Variants in MPP7 observed in about 807,000 individuals in gnomAD.
MPP7 encodes MAGUK p55 subfamily member 7.
Under a neutral mutation model 76.5 loss-of-function variants are expected in MPP7, and 60 were observed. That is an observed-to-expected ratio of 0.78 (90% CI 0.64 to 0.97). MPP7 has a LOEUF of 0.97. Among genes scored for constraint, MPP7 ranks in the 50% least tolerant of loss-of-function variants. The pLI is 0.00. For synonymous variants in MPP7, 237 were observed against 244.5 expected (o/e 0.97, Z 0.29); for missense variants, 641 against 694.0 (o/e 0.92, Z 0.86).
intron 12 of MPP7, 31 bp downstream of exon 12, chr10:28,089,640 C>T (rs1853189789): frequency 3.1e-6 from 5 of 1,591,150 alleles, no homozygotes; most frequent in Non-Finnish European, 4.3e-6. Context: ...CACTCATTTC[C>T]TCAGAATTAC....
chr10:28,299,656 AAC>A (rs1230576912), intron 1 of MPP7, among the ~76,000 whole-genome samples: 5 of 152,212 alleles, frequency 3.3e-5, no homozygotes, highest in African/African-American at 1.2e-4. Context: ...GTTTGTAAAA[AAC>A]ACAGTATCTT....
chr10:28,307,088 A>C (rs193149281), upstream of MPP7, among the ~76,000 whole-genome samples: 2 of 152,196 alleles, frequency 1.3e-5, no homozygotes, highest in Non-Finnish European at 2.9e-5. Flanking sequence ...GAGGTTTCCC[A>C]GAGAAGACAC....
At chr10:28,214,789 G>C (rs935574846) in intron 2 of MPP7, among the ~76,000 whole-genome samples, 1 of 152,154 alleles carries the variant, frequency 6.6e-6, no homozygotes, top group African/African-American at 2.4e-5. Flanking sequence ...TTCCCAGAAA[G>C]ACCCCCTTCT....
At chr10:28,183,181 A>G (rs1837115722) in intron 3 of MPP7, among the ~76,000 whole-genome samples, 1 of 152,238 alleles carries the variant, frequency 6.6e-6, no homozygotes, top group Admixed American at 6.5e-5. Flanking sequence ...AATATCTCAC[A>G]TTGTGAATAC....
intron 13 of MPP7, among the ~76,000 whole-genome samples, chr10:28,069,070 A>C (rs1442403299): frequency 2.0e-5 from 3 of 152,186 alleles, no homozygotes; most frequent in African/African-American, 7.2e-5. Context: ...AGTGCTTGAT[A>C]CCATACGTGC....
At chr10:28,089,003 G>C (rs10763641) in intron 12 of MPP7, among the ~76,000 whole-genome samples, 28,734 of 152,030 alleles carry the variant, frequency 0.19, 3,688 homozygotes, top group East Asian at 0.57. Context: ...AGCCTCCTGA[G>C]TAGCTCGGAC....
At chr10:28,189,463 G>A (rs1416386560) in intron 3 of MPP7, among the ~76,000 whole-genome samples, 1 of 150,716 alleles carries the variant, frequency 6.6e-6, no homozygotes, top group Non-Finnish European at 1.5e-5. Flanking sequence ...CAGCTACTTG[G>A]GAGGTTGAGA....
intron 1 of MPP7, among the ~76,000 whole-genome samples, chr10:28,277,009 A>T (rs1457192239): frequency 6.6e-6 from 1 of 151,850 alleles, no homozygotes; most frequent in Admixed American, 6.6e-5. Flanking sequence ...CTTGGACAAC[A>T]TAGTGAGATG....
At chr10:28,188,931 G>A (rs1837318392) in intron 3 of MPP7, among the ~76,000 whole-genome samples, 1 of 151,954 alleles carries the variant, frequency 6.6e-6, no homozygotes, top group Non-Finnish European at 1.5e-5. Context: ...CAAGGAATTT[G>A]CAACCAGTAG....
chr10:28,256,257 G>A (rs1269739764), intron 1 of MPP7, among the ~76,000 whole-genome samples: 1 of 150,510 alleles, frequency 6.6e-6, no homozygotes, highest in Non-Finnish European at 1.5e-5. Context: ...CTATGCAGAT[G>A]CTGTAGCTAA....
At chr10:28,125,198 A>G in intron 6 of MPP7, 107 bp from the exon 7 acceptor site, 1 of 910,904 alleles carries the variant, frequency 1.1e-6, no homozygotes, top group Non-Finnish European at 1.7e-6. Context: ...CAACTACAAA[A>G]ACGAAAAAAA....
chr10:28,100,138 C>T (rs531362624), intron 11 of MPP7, among the ~76,000 whole-genome samples: 30 of 146,032 alleles, frequency 2.1e-4, no homozygotes, highest in Non-Finnish European at 2.9e-4. Flanking sequence ...AAAAAAAACA[C>T]GTAGACATTA....
At chr10:28,164,823 G>T (rs1836391708) in intron 3 of MPP7, among the ~76,000 whole-genome samples, 1 of 152,120 alleles carries the variant, frequency 6.6e-6, no homozygotes, top group Non-Finnish European at 1.5e-5. Flanking sequence ...CAGGGCTGAG[G>T]GATGAAGAAT....
At chr10:28,077,829 C>A (rs912893891) in intron 12 of MPP7, among the ~76,000 whole-genome samples, 2 of 152,210 alleles carry the variant, frequency 1.3e-5, no homozygotes, top group African/African-American at 4.8e-5. Flanking sequence ...AGAATCTAAA[C>A]AGCCCATCTT....
chr10:28,181,838 T>A (rs77539353), intron 3 of MPP7, among the ~76,000 whole-genome samples: 2 of 152,134 alleles, frequency 1.3e-5, no homozygotes, highest in East Asian at 3.9e-4. Flanking sequence ...GTTCAAACAG[T>A]CCCAGAGGAC....
intron 1 of MPP7, among the ~76,000 whole-genome samples, chr10:28,282,650 G>A (rs1840705621): frequency 6.6e-6 from 1 of 151,950 alleles, no homozygotes; most frequent in Non-Finnish European, 1.5e-5. Context: ...TAAAGGACAG[G>A]AGCGTAAAGA....
At chr10:28,278,897 T>G (rs1840584818) in intron 1 of MPP7, among the ~76,000 whole-genome samples, 1 of 151,398 alleles carries the variant, frequency 6.6e-6, no homozygotes, top group African/African-American at 2.4e-5. Context: ...TGCCATTCAT[T>G]ATTTCTGAAA....
intron 1 of MPP7, among the ~76,000 whole-genome samples, chr10:28,284,663 A>G (rs908291831): frequency 1.5e-4 from 23 of 152,052 alleles, no homozygotes; most frequent in African/African-American, 5.1e-4. Context: ...AAGTGGGGGG[A>G]ATATTGGAGT....
intron 2 of MPP7, among the ~76,000 whole-genome samples, chr10:28,314,193 A>G (rs1444954192): frequency 2.0e-5 from 3 of 152,222 alleles, no homozygotes; most frequent in Non-Finnish European, 4.4e-5. Flanking sequence ...TTTACTGAGC[A>G]CCTACTATGT....
Sources: allele counts gnomAD v4.1 joint callset (sites outside exome capture counted in the v4.1 genomes callset), GRCh38; gene constraint gnomAD v4.1.1; transcripts MANE v1.5; gene names NCBI Gene and HGNC (gene_info 2026-07-23, HGNC 2026-07-21).